IL33: variants seen among roughly 807,000 people sequenced by gnomAD.
IL33 encodes the protein interleukin-33.
IL33 carries 37 observed loss-of-function variants against 27.3 expected under a neutral mutation model. That is an observed-to-expected ratio of 1.36 (90% CI 1.04 to 1.78). IL33 has a LOEUF of 1.78. Among genes scored for constraint, IL33 ranks in the 40% most tolerant of loss-of-function variants. The pLI, the probability that IL33 is intolerant of heterozygous loss-of-function variation, is 0.00. For synonymous variants in IL33, 132 were observed against 102.9 expected (o/e 1.28, Z -1.71); for missense variants, 406 against 311.4 (o/e 1.30, Z -2.29).
Position 6,257,554 on chromosome 9 carries a change from G to C in IL33, c.*1386G>C, listed in dbSNP as rs1816808073. 6.6e-6 allele frequency: 1 copy of C among 152,474 alleles called. No homozygotes were observed. Among genetic ancestry groups the C allele is most frequent in the Non-Finnish European group, 1.5e-5 (1 of 68,012 alleles). The allele number at this position is 152,474 out of a possible 1,614,324, so 9.4% of individuals were successfully genotyped here. On this transcript the variant is annotated 3_prime_UTR_variant, in exon 8 of 8. Transcript: ENST00000682010. Reference sequence around the variant, plus strand: ...ATAATAACATTTTTTAACTACTAAAGGAGTAGTTTTTATTTTAAAGTCTTA... The same window carrying C: ...ATAATAACATTTTTTAACTACTAAACGAGTAGTTTTTATTTTAAAGTCTTA...
chr9:6,222,838 T>C (rs1362313089), intron 1 of IL33, among the ~76,000 whole-genome samples: 1 of 152,210 alleles, frequency 6.6e-6, no homozygotes, highest in Non-Finnish European at 1.5e-5. Context: ...GTAGCTACAT[T>C]TGTTCCTGGA....
chr9:6,230,338 C>T (rs1005256333), intron 1 of IL33, among the ~76,000 whole-genome samples: 1 of 152,062 alleles, frequency 6.6e-6, no homozygotes, highest in African/African-American at 2.4e-5. Flanking sequence ...AAGTGTTCTC[C>T]CCAGGGTCCA....
At chr9:6,229,496 C>T (rs997560165) in intron 1 of IL33, among the ~76,000 whole-genome samples, 9 of 152,146 alleles carry the variant, frequency 5.9e-5, no homozygotes, top group African/African-American at 1.2e-4. Context: ...AGAAGACGTG[C>T]GTTCTATTAG....
chr9:6,233,982 A>G (rs1819054185), intron 1 of IL33, among the ~76,000 whole-genome samples: 2 of 152,202 alleles, frequency 1.3e-5, no homozygotes, highest in African/African-American at 2.4e-5. Context: ...CCAGGTCTCT[A>G]TAGTACTCAT....
chr9:6,250,588 CA>C lies in IL33; in HGVS notation c.207del (p.Leu70Ter). 6.2e-7 allele frequency: 1 copy of C among 1,613,548 alleles called. No individual in the cohort carries two copies. Among genetic ancestry groups the C allele is most frequent in the Non-Finnish European group, 8.5e-7 (1 of 1,179,776 alleles). On this transcript the variant is annotated frameshift_variant, in exon 3 of 8. Transcript: ENST00000682010. LOFTEE classifies it high-confidence loss of function. Reference protein sequence around the residue: ...YFRRETTKRPSLKTGRKHKRH... With the variant: ...YFRRETTKRPXLKTGRKHKRH... ...AGGAGAGAAACCACCAAAAGGCCTTCACTGAAAACAGGTAAGGGGAACCGTA... is the reference window on the plus strand; with the variant it reads ...AGGAGAGAAACCACCAAAAGGCCTTCCTGAAAACAGGTAAGGGGAACCGTA...
intron 1 of IL33, among the ~76,000 whole-genome samples, chr9:6,230,352 A>C (rs963816514): frequency 1.1e-4 from 17 of 152,182 alleles, no homozygotes; most frequent in African/African-American, 4.1e-4. Context: ...GGGTCCAGGA[A>C]AGTGGCAGAT....
At chr9:6,218,842 CAT>C (rs1378493827) in intron 1 of IL33, among the ~76,000 whole-genome samples, 9 of 70,568 alleles carry the variant, frequency 1.3e-4, no homozygotes, top group Non-Finnish European at 2.2e-4. Context: ...ATATGTTCTC[CAT>C]ATATATATAT....
intron 1 of IL33, among the ~76,000 whole-genome samples, chr9:6,227,109 A>G (rs1161951169): frequency 6.6e-6 from 1 of 152,218 alleles, no homozygotes; most frequent in East Asian, 1.9e-4. Flanking sequence ...CCTTCCAGCA[A>G]GGGCTGGAGT....
At chr9:6,218,239 A>G (rs1310133944) in intron 1 of IL33, among the ~76,000 whole-genome samples, 1 of 152,148 alleles carries the variant, frequency 6.6e-6, no homozygotes, top group Non-Finnish European at 1.5e-5. Context: ...TGGTTACTTC[A>G]TAATTGATTT....
At position 6,252,906 on chromosome 9, in the gene IL33, A is replaced by G. The variant is rs1816488975; in HGVS notation, c.384A>G (p.Thr128=). 6 of 1,608,532 alleles carry G rather than the reference A, an allele frequency of 3.7e-6. No homozygotes were observed. Among genetic ancestry groups the G allele is most frequent in the Middle Eastern group, 1.7e-4 (1 of 6,052 alleles). Residue 128 remains threonine (T), a synonymous_variant, in exon 5 of 8, where the codon ACA becomes ACG. Coordinates refer to ENST00000682010, the MANE Select transcript of IL33 (RefSeq NM_033439.4). ...PITEYLASLS[T]YNDQSITFAL... is the part of the protein sequence containing the mutation. ...CAGAGTATCTTGCTTCTCTAAGCAC[A>G]TACAATGATCAATCCATTACTTTTG... is the stretch of plus-strand genomic sequence containing the variant.
intron 2 of IL33, among the ~76,000 whole-genome samples, chr9:6,243,261 A>G (rs1344665279): frequency 6.6e-6 from 1 of 152,290 alleles, no homozygotes; most frequent in Admixed American, 6.5e-5. Flanking sequence ...AGGTAAGTAA[A>G]GTCAGGTGGC....
intron 3 of IL33, 142 bp downstream of exon 3, chr9:6,250,741 T>G: frequency 1.1e-6 from 1 of 951,308 alleles, no homozygotes. Flanking sequence ...TTTTTAGCTA[T>G]TTTTAAAAGG....
chr9:6,220,369 A>G (rs1818357361), intron 1 of IL33, among the ~76,000 whole-genome samples: 1 of 152,174 alleles, frequency 6.6e-6, no homozygotes, highest in Non-Finnish European at 1.5e-5. Flanking sequence ...GTTCCTAGCA[A>G]AGATTCAATA....
intron 1 of IL33, among the ~76,000 whole-genome samples, chr9:6,224,692 T>C (rs1416332510): frequency 6.6e-6 from 1 of 152,216 alleles, no homozygotes; most frequent in Non-Finnish European, 1.5e-5. Context: ...TGGTGAATTA[T>C]GAATAGAAAT....
chr9:6,219,164 A>G (rs1356899522), intron 1 of IL33, among the ~76,000 whole-genome samples: 2 of 151,768 alleles, frequency 1.3e-5, no homozygotes, highest in African/African-American at 2.4e-5. Context: ...CTCCTGAAAC[A>G]GCAGAAAGAA....
intron 1 of IL33, among the ~76,000 whole-genome samples, chr9:6,241,446 A>G (rs1819523051): frequency 6.6e-6 from 1 of 152,196 alleles, no homozygotes; most frequent in Non-Finnish European, 1.5e-5. Flanking sequence ...CAGCTCCACT[A>G]TAATCTTGTG....
chr9:6,241,576 T>C (rs1342168948), intron 1 of IL33, 108 bp from the exon 2 acceptor site: 13 of 598,894 alleles, frequency 2.2e-5, no homozygotes, highest in Non-Finnish European at 3.6e-5. Context: ...GAAATAATTA[T>C]TTCCTCTATA....
intron 2 of IL33, among the ~76,000 whole-genome samples, chr9:6,247,686 C>T (rs927057373): frequency 5.3e-5 from 8 of 152,098 alleles, no homozygotes; most frequent in Non-Finnish European, 4.4e-5. Flanking sequence ...TCTTTGACCC[C>T]AGTGGAGTGC....
Position 6,250,548 on chromosome 9 carries a change from G to A in IL33, c.166G>A (p.Glu56Lys). 4 of 1,614,006 alleles carry A rather than the reference G, an allele frequency of 2.5e-6. No homozygotes were observed. The highest frequency in any genetic ancestry group is 3.4e-6 in the Non-Finnish European group (4 of 1,179,934). The part of the protein sequence containing the change: ...KLRSGLMIKK[E>K]ACYFRRETTK... ...CCGCTCTGGCCTTATGATAAAAAAGGAGGCCTGTTACTTTAGGAGAGAAAC... is the reference window on the plus strand; with the variant it reads ...CCGCTCTGGCCTTATGATAAAAAAGAAGGCCTGTTACTTTAGGAGAGAAAC... The change falls in exon 3 of 8, where the codon GAG becomes AAG. Residue 56 changes from glutamate (E) to lysine (K), a missense_variant. Transcript: ENST00000682010.
Sources: allele counts gnomAD v4.1 joint callset (sites outside exome capture counted in the v4.1 genomes callset), GRCh38; gene constraint gnomAD v4.1.1; transcripts MANE v1.5; gene names NCBI Gene and HGNC (gene_info 2026-07-23, HGNC 2026-07-21).